The following NBAS variants were observed in gnomAD, a reference collection of about 807,000 sequenced individuals.
The protein encoded by NBAS is NAG/BC035112 fusion.
Under a neutral mutation model 302.5 loss-of-function variants are expected in NBAS, and 219 were observed. The ratio of observed to expected loss-of-function variants is 0.72; its 90% confidence interval spans 0.65 to 0.81. NBAS has a LOEUF of 0.81. Ranked by LOEUF, NBAS falls within the 30% of genes least tolerant of loss-of-function variation. The pLI is 0.00. For missense variants in NBAS, 2,932 were observed against 2,841.6 expected, an observed-to-expected ratio of 1.03 and a Z score of -0.72; for synonymous variants, 1,118 against 1,021.6, an observed-to-expected ratio of 1.09 and a Z score of -1.80.
chr2:15,324,555 T>G (rs1572658014), intron 38 of NBAS, among the ~76,000 whole-genome samples: 1 of 152,094 alleles, frequency 6.6e-6, no homozygotes, highest in Non-Finnish European at 1.5e-5. Flanking sequence ...CACAACACCT[T>G]CTCCCTCAGC....
chr2:15,393,442 A>T (rs1675704365), intron 28 of NBAS, among the ~76,000 whole-genome samples: 1 of 152,132 alleles, frequency 6.6e-6, no homozygotes, highest in African/African-American at 2.4e-5. Context: ...GTTGATGAGG[A>T]TATAGAAGAG....
At chr2:15,274,257 C>T (rs188276848) in intron 44 of NBAS, among the ~76,000 whole-genome samples, 64 of 152,288 alleles carry the variant, frequency 4.2e-4, no homozygotes, top group African/African-American at 1.5e-3. Context: ...TTAAAACTAG[C>T]ATTCTTCACA....
At chr2:15,463,161 C>A (rs1679577151) in intron 19 of NBAS, among the ~76,000 whole-genome samples, 1 of 152,100 alleles carries the variant, frequency 6.6e-6, no homozygotes. Flanking sequence ...GTAGTCCCAA[C>A]TACTTGGGAG....
intron 46 of NBAS, 43 bp downstream of exon 46, chr2:15,234,502 A>G (rs1353723055): frequency 1.9e-6 from 3 of 1,592,686 alleles, no homozygotes; most frequent in Non-Finnish European, 2.6e-6. Flanking sequence ...TCACTGACAA[A>G]GTGTCACCCC....
At chr2:14,829,444 C>T in the NBAS span, among the ~76,000 whole-genome samples, 1 of 152,054 alleles carries the variant, frequency 6.6e-6, no homozygotes, top group Non-Finnish European at 1.5e-5. Flanking sequence ...GAGGTCACAC[C>T]CAAATTGTCA....
chr2:15,426,608 ATTCTGT>A (rs1226400078), intron 22 of NBAS, among the ~76,000 whole-genome samples: 1 of 152,118 alleles, frequency 6.6e-6, no homozygotes, highest in African/African-American at 2.4e-5. Flanking sequence ...ATTTCTCTTA[ATTCTGT>A]TTCTATTTTA....
intron 41 of NBAS, among the ~76,000 whole-genome samples, chr2:15,290,041 GAA>G (rs1312499090): frequency 6.7e-6 from 1 of 149,316 alleles, no homozygotes; most frequent in African/African-American, 2.5e-5. Flanking sequence ...GAGGAGAGGA[GAA>G]GAGGGGAGAG....
At chr2:15,498,725 G>A (rs1482871445) in intron 11 of NBAS, among the ~76,000 whole-genome samples, 2 of 151,976 alleles carry the variant, frequency 1.3e-5, no homozygotes, top group Admixed American at 1.3e-4. Flanking sequence ...TGGTTTAAGT[G>A]TGTGGCACTT....
chr2:15,184,269 A>C (rs1202361324), intron 50 of NBAS, among the ~76,000 whole-genome samples: 1 of 152,134 alleles, frequency 6.6e-6, no homozygotes, highest in East Asian at 1.9e-4. Context: ...AAATTATTCC[A>C]TGGACTATGG....
intron 7 of NBAS, 93 bp downstream of exon 7, chr2:15,539,130 T>G: frequency 6.6e-7 from 1 of 1,525,558 alleles, no homozygotes; most frequent in Admixed American, 1.7e-5. Context: ...GATTTATATT[T>G]GTATTATCCC....
intron 14 of NBAS, 98 bp downstream of exon 14, chr2:15,475,589 T>G (rs576144082): frequency 1.6e-6 from 2 of 1,223,794 alleles, no homozygotes; most frequent in East Asian, 2.5e-5. Flanking sequence ...ATTTTTATTT[T>G]TAAAGAAAAG....
At chr2:15,477,015 T>C (rs1169647327) in intron 13 of NBAS, among the ~76,000 whole-genome samples, 1 of 152,206 alleles carries the variant, frequency 6.6e-6, no homozygotes, top group Non-Finnish European at 1.5e-5. Flanking sequence ...GCAATCCATG[T>C]AAATAAGAAA....
rs534979987 is a variant in NBAS at position 15,450,596 on chromosome 2, T to G, written c.2339+10605A>C. On this transcript the variant is annotated intron_variant, in intron 21 of 51. Coordinates refer to ENST00000281513, the MANE Select transcript of NBAS (RefSeq NM_015909.4). ...GATTACAAATTTATCTGTGGACAGG[T>G]ACCACATCTGATTCACATTTCTATT... Among the ~76,000 whole-genome samples the G allele has an allele frequency of 7.2e-5, 11 of 152,288 alleles. 1 individual carries two copies. In the South Asian group the frequency reaches 1.5e-3, roughly 20 times the overall value.
At chr2:15,335,311 A>G (rs73197061) in intron 35 of NBAS, among the ~76,000 whole-genome samples, 4,390 of 152,260 alleles carry the variant, frequency 0.029, 176 homozygotes, top group African/African-American at 0.089. Flanking sequence ...GATAATACCA[A>G]TAGTGCTGCC....
In NBAS at chr2:15,352,008, C is replaced by T; in HGVS notation, c.4163G>A (p.Ser1388Asn). ...TTAACTTACCTCTTGTACTGCTTTACTAGTTAATGGTGAAGCACTGATATT... is the reference window on the plus strand; with the variant it reads ...TTAACTTACCTCTTGTACTGCTTTATTAGTTAATGGTGAAGCACTGATATT... ...GENISASPLT[S>N]KAVQEDEVGV... The change falls in exon 35 of 52, where the codon AGT (serine) becomes AAT (asparagine). Residue 1388 changes from serine to asparagine, a missense_variant. Coordinates refer to ENST00000281513, the MANE Select transcript of NBAS (RefSeq NM_015909.4). The T allele has an allele frequency of 6.2e-7, 1 of 1,610,484 alleles. No homozygotes were observed. Among genetic ancestry groups the T allele is most frequent in the Non-Finnish European group, 8.5e-7 (1 of 1,176,880 alleles).
At chr2:14,984,505 G>T in the NBAS span, among the ~76,000 whole-genome samples, 2 of 152,214 alleles carry the variant, frequency 1.3e-5, no homozygotes, top group African/African-American at 4.8e-5. Context: ...ACTTAGTTGG[G>T]AAATAAGTGA....
At chr2:15,390,583 T>C (rs1675543873) in intron 28 of NBAS, among the ~76,000 whole-genome samples, 1 of 144,920 alleles carries the variant, frequency 6.9e-6, no homozygotes, top group Non-Finnish European at 1.5e-5. Context: ...GCTAAAAGAG[T>C]AGATTTTAGC....
At chr2:15,176,828 A>T (rs1190937935) in intron 51 of NBAS, among the ~76,000 whole-genome samples, 1 of 152,198 alleles carries the variant, frequency 6.6e-6, no homozygotes, top group East Asian at 1.9e-4. Flanking sequence ...ACTGGGGGGA[A>T]CTGGGTGAAG....
chr2:15,397,453 G>T (rs1396866959), intron 26 of NBAS: 1 of 477,078 alleles, frequency 2.1e-6, no homozygotes, highest in East Asian at 5.9e-5. Context: ...GCTTTGGTGG[G>T]GGTTGTGGGG....
Sources: gnomAD v4.1 joint callset for allele counts (sites outside exome capture counted in the v4.1 genomes callset) on GRCh38, gnomAD v4.1.1 for gene constraint, MANE v1.5 for transcripts, NCBI Gene and HGNC (gene_info 2026-07-23, HGNC 2026-07-21) for gene names.